The following CTNNA3 variants were observed in gnomAD, a reference collection of about 807,000 sequenced individuals.
CTNNA3 encodes the protein catenin alpha-3.
In CTNNA3, 76 loss-of-function variants were observed where a neutral mutation model predicts 95.7. That is an observed-to-expected ratio of 0.79 (90% CI 0.66 to 0.96). The LOEUF is 0.96. CTNNA3 is among the 40% of genes least tolerant of loss of function. The pLI, the probability that CTNNA3 is intolerant of heterozygous loss-of-function variation, is 0.00. For synonymous variants in CTNNA3, 431 were observed against 374.4 expected (o/e 1.15, Z -1.74); for missense variants, 1,191 against 1,089.8 (o/e 1.09, Z -1.31).
chr10:66,897,983 A>G (rs1845568584), intron 7 of CTNNA3, among the ~76,000 whole-genome samples: 1 of 152,164 alleles, frequency 6.6e-6, no homozygotes, highest in Admixed American at 6.5e-5. Flanking sequence ...GAAGAGGCTA[A>G]TTTGTCCTAC....
intron 7 of CTNNA3, among the ~76,000 whole-genome samples, chr10:67,037,388 GA>G (rs66693044): frequency 0.34 from 50,149 of 145,532 alleles, 8,957 homozygotes; most frequent in Middle Eastern, 0.55. Context: ...AAAGAAAAAA[GA>G]AAAAAAAAAC....
intron 10 of CTNNA3, 144 bp from the exon 11 acceptor site, chr10:66,520,917 T>C (rs1432293507): frequency 2.9e-5 from 6 of 209,802 alleles, no homozygotes; most frequent in Non-Finnish European, 5.2e-5. Flanking sequence ...ATATATAAAA[T>C]AAATAAAAAA....
At chr10:67,524,302 G>A (rs758241550) in intron 4 of CTNNA3, among the ~76,000 whole-genome samples, 17 of 151,006 alleles carry the variant, frequency 1.1e-4, no homozygotes, top group Non-Finnish European at 2.5e-4. Flanking sequence ...GGAGGCTGAG[G>A]CAGGAGAATG....
rs56664927 is a variant in CTNNA3, at chr10:66,972,700, ATTTTTTTT to A, written c.1048-197184_1048-197177del. On this transcript the variant is annotated intron_variant, in intron 7 of 17. Coordinates refer to ENST00000433211, the MANE Select transcript of CTNNA3 (RefSeq NM_013266.4). ...ACAATTTAAAGGTTCTGTCAAATAG[ATTTTTTTT>A]TTTTTTTTTTTTTTTTTTATGAAAT... Among the ~76,000 whole-genome samples the A allele has an allele frequency of 6.6e-4, 72 of 108,658 alleles. 1 individual carries two copies. The South Asian group carries it at 0.021, about 31-fold the overall frequency. 71.3% of individuals were successfully genotyped at this position (108,658 alleles called of 152,430 possible).
rs557205650 is a variant in CTNNA3 at position 66,772,978 on chromosome 10, GAGA to G, written c.1128+2463_1128+2465del. ...AAGGGCAGTGCTTTCTCTTTCCTGT[GAGA>G]AGAACTATATGTGAGATGCTTACAA... On this transcript the variant is annotated intron_variant, in intron 8 of 17. Coordinates refer to ENST00000433211, the MANE Select transcript of CTNNA3 (RefSeq NM_013266.4). Among the ~76,000 whole-genome samples the G allele has an allele frequency of 1.6e-3, 247 of 152,316 alleles. 1 individual carries two copies. The highest frequency in any genetic ancestry group is 5.5e-3 in the African/African-American group (230 of 41,568).
At chr10:66,503,786 G>A (rs1840357015) in intron 11 of CTNNA3, among the ~76,000 whole-genome samples, 1 of 151,956 alleles carries the variant, frequency 6.6e-6, no homozygotes, top group Non-Finnish European at 1.5e-5. Context: ...CTTTTTCTAT[G>A]TTCCACGTAG....
chr10:66,726,097 C>G (rs12413436), intron 9 of CTNNA3, among the ~76,000 whole-genome samples: 4,178 of 151,874 alleles, frequency 0.028, 162 homozygotes, highest in East Asian at 0.2. Context: ...TGTTAATACC[C>G]ACATTATAAT....
chr10:66,753,979 T>C (rs1839267598), intron 9 of CTNNA3, among the ~76,000 whole-genome samples: 1 of 152,124 alleles, frequency 6.6e-6, no homozygotes. Flanking sequence ...ACAGATTCAA[T>C]GCAATCCCTA....
intron 15 of CTNNA3, among the ~76,000 whole-genome samples, chr10:66,038,736 T>C (rs193262349): frequency 1.2e-4 from 19 of 152,212 alleles, no homozygotes; most frequent in South Asian, 6.2e-4. Context: ...GAAGTTTCCC[T>C]GGATACCTCA....
rs953523137 is a variant in CTNNA3, at chr10:66,461,811, C to A, written c.1531+58806G>T. 2.7e-4 allele frequency among the ~76,000 whole-genome samples: 38 copies of A among 139,918 alleles called. 1 individual carries two copies. Among genetic ancestry groups the A allele is most frequent in the African/African-American group, 1.0e-3 (38 of 37,796 alleles). 91.8% of individuals were successfully genotyped at this position (139,918 alleles called of 152,430 possible). A position where few individuals can be genotyped will look rare whatever the true frequency, so the allele number is the denominator to read the frequency against. On this transcript the variant is annotated intron_variant, in intron 11 of 17. Coordinates refer to ENST00000433211, the MANE Select transcript of CTNNA3 (RefSeq NM_013266.4). ...GCTGAAGTAATATCCTTGTATATCT[C>A]CAATTTTTTTTTTTTTTTTGAGATG...
intron 7 of CTNNA3, among the ~76,000 whole-genome samples, chr10:66,881,665 G>T (rs1023491668): frequency 6.6e-6 from 1 of 152,052 alleles, no homozygotes; most frequent in Admixed American, 6.6e-5. Context: ...TTCTAGTAAG[G>T]TGGCTGCAAT....
At chr10:67,527,046 C>G (rs1306944578) in intron 4 of CTNNA3, among the ~76,000 whole-genome samples, 1 of 152,118 alleles carries the variant, frequency 6.6e-6, no homozygotes, top group African/African-American at 2.4e-5. Context: ...CAATTGAGGT[C>G]AGGAGTTCGA....
chr10:65,981,927 A>T (rs1439949919), intron 16 of CTNNA3, among the ~76,000 whole-genome samples: 2 of 151,970 alleles, frequency 1.3e-5, no homozygotes, highest in African/African-American at 4.8e-5. Flanking sequence ...CCTTCTAGAC[A>T]CTGGTTTCGG....
intron 15 of CTNNA3, among the ~76,000 whole-genome samples, chr10:66,063,253 T>C (rs1449730376): frequency 6.8e-6 from 1 of 147,188 alleles, no homozygotes; most frequent in Non-Finnish European, 1.5e-5. Flanking sequence ...GATAGATAGA[T>C]CTATATATAG....
intron 12 of CTNNA3, among the ~76,000 whole-genome samples, chr10:66,309,418 T>C (rs888953265): frequency 2.6e-5 from 4 of 151,788 alleles, no homozygotes; most frequent in Non-Finnish European, 5.9e-5. Flanking sequence ...CCGGGCCGGG[T>C]GCAGTGGCTC....
chr10:67,450,070 G>A (rs61696842), intron 5 of CTNNA3, among the ~76,000 whole-genome samples: 4,172 of 152,230 alleles, frequency 0.027, 177 homozygotes, highest in African/African-American at 0.096. Context: ...GATCATTAGA[G>A]AAATGCAAAT....
rs760532002 is a variant in CTNNA3 at position 65,966,734 on chromosome 10, A to G, written c.2278T>C (p.Ser760Pro). Residue 760 changes from serine (S) to proline (P), a missense_variant, in exon 17 of 18, where the codon TCT becomes CCT. Transcript: ENST00000433211. ...TAGGCCAACAAGTCCTGTTTACAAG[A>G]TGGATCTGGGCACTAAATATGAATC... is the stretch of plus-strand genomic sequence containing the variant. ...RQIANQCPDP[S>P]CKQDLLAYLE... 16 of 1,611,998 alleles carry G rather than the reference A, an allele frequency of 9.9e-6. No homozygotes were observed. The East Asian group carries it at 3.6e-4, about 36-fold the overall frequency.
chr10:66,031,322 G>A (rs1258992963), intron 15 of CTNNA3, among the ~76,000 whole-genome samples: 2 of 152,130 alleles, frequency 1.3e-5, no homozygotes, highest in African/African-American at 4.8e-5. Flanking sequence ...ATAAACAATG[G>A]ATTGGATGAA....
intron 11 of CTNNA3, among the ~76,000 whole-genome samples, chr10:66,444,785 G>C (rs1045449947): frequency 6.6e-6 from 1 of 152,132 alleles, no homozygotes; most frequent in Non-Finnish European, 1.5e-5. Context: ...AAAATAACCA[G>C]CTAACATCAT....
Sources: allele counts gnomAD v4.1 joint callset (sites outside exome capture counted in the v4.1 genomes callset), GRCh38; gene constraint gnomAD v4.1.1; transcripts MANE v1.5; gene names NCBI Gene and HGNC (gene_info 2026-07-23, HGNC 2026-07-21).